The following TBC1D4 variants were observed in gnomAD, a reference collection of about 807,000 sequenced individuals.
The protein encoded by TBC1D4 is TBC1 domain family member 4, also known as TBC (Tre-2, BUB2, CDC16) domain-containing protein.
TBC1D4 carries 121 observed loss-of-function variants against 142.5 expected under a neutral mutation model. The observed-to-expected ratio is 0.85, with a 90% CI of 0.73 to 0.99. TBC1D4 has a LOEUF of 0.99. Among genes scored for constraint, TBC1D4 ranks in the 50% least tolerant of loss-of-function variants. The pLI, the probability that TBC1D4 is intolerant of heterozygous loss-of-function variation, is 0.00. For missense variants in TBC1D4, 1,475 were observed against 1,606.6 expected, an observed-to-expected ratio of 0.92 and a Z score of 1.40; for synonymous variants, 630 against 628.2, an observed-to-expected ratio of 1.00 and a Z score of -0.04.
chr13:75,437,767 A>G (rs1391948783), intron 1 of TBC1D4, among the ~76,000 whole-genome samples: 1 of 152,160 alleles, frequency 6.6e-6, no homozygotes, highest in Admixed American at 6.5e-5. Flanking sequence ...GTAGTAGCTA[A>G]TTCCTCTATA....
intron 1 of TBC1D4, among the ~76,000 whole-genome samples, chr13:75,448,833 C>G (rs1219541270): frequency 6.6e-6 from 1 of 151,758 alleles, no homozygotes; most frequent in Non-Finnish European, 1.5e-5. Context: ...ATATACTTCC[C>G]CAGGTCATGT....
At chr13:75,324,186 G>T in intron 11 of TBC1D4, 51 bp downstream of exon 11, 1 of 1,604,114 alleles carries the variant, frequency 6.2e-7, no homozygotes, top group South Asian at 1.1e-5. Flanking sequence ...TAACATATCA[G>T]TATATCACTG....
chr13:75,412,147 C>A (rs767353420), intron 1 of TBC1D4, among the ~76,000 whole-genome samples: 28 of 152,100 alleles, frequency 1.8e-4, no homozygotes, highest in Admixed American at 3.3e-4. Flanking sequence ...TTGGGCTATA[C>A]CCTCCCAATT....
chr13:75,409,386 T>G (rs1304430777), intron 1 of TBC1D4, among the ~76,000 whole-genome samples: 1 of 152,188 alleles, frequency 6.6e-6, no homozygotes, highest in African/African-American at 2.4e-5. Flanking sequence ...ATATTTCAAC[T>G]GACTCAATTT....
chr13:75,291,968 A>G, intron 19 of TBC1D4, 134 bp downstream of exon 19: 4 of 799,040 alleles, frequency 5.0e-6, no homozygotes, highest in Non-Finnish European at 7.6e-6. Context: ...GAAATTTCAC[A>G]ATAGTCCCCT....
At chr13:75,402,873 G>A (rs538130599) in intron 1 of TBC1D4, among the ~76,000 whole-genome samples, 1 of 152,222 alleles carries the variant, frequency 6.6e-6, no homozygotes, top group East Asian at 1.9e-4. Flanking sequence ...AGCAAAAATA[G>A]AGCTCACAAG....
chr13:75,386,788 G>A (rs1447021271), intron 1 of TBC1D4, among the ~76,000 whole-genome samples: 3 of 151,940 alleles, frequency 2.0e-5, no homozygotes, highest in Non-Finnish European at 2.9e-5. Context: ...ACATCTTTCC[G>A]CCATTTCTCA....
At chr13:75,402,097 G>C (rs1396264630) in intron 1 of TBC1D4, among the ~76,000 whole-genome samples, 1 of 151,946 alleles carries the variant, frequency 6.6e-6, no homozygotes, top group Non-Finnish European at 1.5e-5. Flanking sequence ...ACCCACCAAG[G>C]GTGCCCTAAA....
intron 1 of TBC1D4, among the ~76,000 whole-genome samples, chr13:75,420,263 T>C (rs1050976547): frequency 6.6e-6 from 1 of 152,148 alleles, no homozygotes; most frequent in Non-Finnish European, 1.5e-5. Flanking sequence ...GAGAGACAAT[T>C]GGTCCAAGAA....
intron 13 of TBC1D4, among the ~76,000 whole-genome samples, chr13:75,310,362 T>C (rs1177799156): frequency 6.6e-6 from 1 of 152,168 alleles, no homozygotes; most frequent in East Asian, 1.9e-4. Flanking sequence ...AACAGAAGCA[T>C]AGGTCATTTC....
At chr13:75,437,523 TA>T (rs1277562354) in intron 1 of TBC1D4, among the ~76,000 whole-genome samples, 1 of 152,220 alleles carries the variant, frequency 6.6e-6, no homozygotes, top group Non-Finnish European at 1.5e-5. Context: ...AAATATACTT[TA>T]GTTGTCCACA....
chr13:75,312,241 C>T (rs1877824964), intron 13 of TBC1D4, among the ~76,000 whole-genome samples: 1 of 151,754 alleles, frequency 6.6e-6, no homozygotes, highest in Non-Finnish European at 1.5e-5. Flanking sequence ...ATTTCTATGT[C>T]AGTTTGTTTT....
Position 75,425,375 on chromosome 13 carries a change from C to A in TBC1D4, c.498+55895G>T, listed in dbSNP as rs112000121. Among the ~76,000 whole-genome samples, 521 of 152,126 alleles carry A rather than the reference C, an allele frequency of 3.4e-3. 1 individual carries two copies. The highest frequency in any genetic ancestry group is 0.012 in the African/African-American group (487 of 41,514). Reference sequence around the variant, plus strand: ...GGTGAAAAGGGAACCACACTATTGGCCAGGATGTAAATTAGTATGGTCATA... The same window carrying A: ...GGTGAAAAGGGAACCACACTATTGGACAGGATGTAAATTAGTATGGTCATA... On this transcript the variant is annotated intron_variant, in intron 1 of 20. Coordinates refer to ENST00000377636, the MANE Select transcript of TBC1D4 (RefSeq NM_014832.5).
intron 1 of TBC1D4, among the ~76,000 whole-genome samples, chr13:75,406,629 T>C (rs117250751): frequency 1.8e-4 from 27 of 152,300 alleles, no homozygotes; most frequent in Non-Finnish European, 3.7e-4. Flanking sequence ...AGGGAATTCA[T>C]CTCTATAACA....
chr13:75,461,834 A>G (rs750072086), intron 1 of TBC1D4, among the ~76,000 whole-genome samples: 9 of 152,218 alleles, frequency 5.9e-5, no homozygotes, highest in Non-Finnish European at 1.2e-4. Flanking sequence ...ATTTCTTGAA[A>G]CCAATTGCAG....
intron 1 of TBC1D4, among the ~76,000 whole-genome samples, chr13:75,372,807 A>G (rs1369320882): frequency 6.6e-6 from 1 of 152,266 alleles, no homozygotes; most frequent in Non-Finnish European, 1.5e-5. Context: ...AAGTTTGGCA[A>G]TAAAATTAAT....
chr13:75,398,110 C>G (rs1884894498), intron 1 of TBC1D4, among the ~76,000 whole-genome samples: 1 of 152,194 alleles, frequency 6.6e-6, no homozygotes, highest in Admixed American at 6.5e-5. Flanking sequence ...GCTTCACACA[C>G]AAGAGGGAAG....
At chr13:75,341,054 G>T in intron 7 of TBC1D4, 71 bp downstream of exon 7, 1 of 1,383,518 alleles carries the variant, frequency 7.2e-7, no homozygotes, top group African/African-American at 1.4e-5. Flanking sequence ...GAACCTGAGA[G>T]TACAAAGGGA....
At chr13:75,453,894 C>T (rs80137160) in intron 1 of TBC1D4, among the ~76,000 whole-genome samples, 1 of 151,502 alleles carries the variant, frequency 6.6e-6, no homozygotes, top group African/African-American at 2.4e-5. Context: ...TTAATAATAT[C>T]GAAAAAGAAA....
Sources: allele counts gnomAD v4.1 joint callset (sites outside exome capture counted in the v4.1 genomes callset), GRCh38; gene constraint gnomAD v4.1.1; transcripts MANE v1.5; gene names NCBI Gene and HGNC (gene_info 2026-07-23, HGNC 2026-07-21).